The following SLC23A1 variants were observed in gnomAD, a reference collection of about 807,000 sequenced individuals.
The protein encoded by SLC23A1 is Na(+)/L-ascorbic acid transporter 1.
Under a neutral mutation model 62.5 loss-of-function variants are expected in SLC23A1, and 31 were observed. The ratio of observed to expected loss-of-function variants is 0.50; its 90% confidence interval spans 0.37 to 0.67. SLC23A1 has a LOEUF of 0.67. Among genes scored for constraint, SLC23A1 ranks in the 30% least tolerant of loss-of-function variants. The pLI is 0.00. For synonymous variants in SLC23A1, 271 were observed against 313.2 expected, an observed-to-expected ratio of 0.87 and a Z score of 1.42; for missense variants, 640 against 782.7, an observed-to-expected ratio of 0.82 and a Z score of 2.18.
At position 139,382,557 on chromosome 5, in the gene SLC23A1, ACTT is replaced by A; in HGVS notation, c.82_84del (p.Lys28del). 4 of 1,613,326 alleles carry A rather than the reference ACTT, an allele frequency of 2.5e-6. No individual in the cohort carries two copies. The highest frequency in any genetic ancestry group is 3.4e-6 in the Non-Finnish European group (4 of 1,179,654). On this transcript the variant is annotated inframe_deletion, in exon 2 of 15. Coordinates refer to ENST00000348729, the MANE Select transcript of SLC23A1 (RefSeq NM_005847.5). ...TCCTCGATCTTGTACAACATGTCAAACTTAGGCTCTGTGGGTAGCGGGGTCGAG... is the reference window on the plus strand; with the variant it reads ...TCCTCGATCTTGTACAACATGTCAAAAGGCTCTGTGGGTAGCGGGGTCGAG...
rs1758324904 is a variant in SLC23A1 at position 139,382,522 on chromosome 5, A to G, written c.120T>C (p.Pro40=). 9.3e-6 allele frequency: 15 copies of G among 1,613,322 alleles called. No individual in the cohort carries two copies. The highest frequency in any genetic ancestry group is 1.2e-5 in the Non-Finnish European group (14 of 1,179,458). The change falls in exon 2 of 15, where the codon CCT becomes CCC. Residue 40 remains proline (P), a synonymous_variant. Transcript: ENST00000348729. ...AGCCCAGCAGGATGCACAGGTACCA[A>G]GGTGGCACGTCCTCGATCTTGTACA... ...DMLYKIEDVP[P]WYLCILLGFQ...
chr5:139,376,135 C>T (rs190326652), intron 13 of SLC23A1, among the ~76,000 whole-genome samples: 129 of 151,176 alleles, frequency 8.5e-4, no homozygotes, highest in Admixed American at 1.9e-3. Context: ...GTCTGAGACC[C>T]TGTCTCAATT....
chr5:139,377,861 C>A (rs1758019694), intron 12 of SLC23A1, 114 bp downstream of exon 12: 1 of 1,057,524 alleles, frequency 9.5e-7, no homozygotes, highest in East Asian at 2.6e-5. Flanking sequence ...CTGGTTGACA[C>A]CCAGAGTTGG....
At chr5:139,383,534 C>T (rs917719839), upstream of SLC23A1, among the ~76,000 whole-genome samples, 3 of 152,214 alleles carry the variant, frequency 2.0e-5, no homozygotes, top group Non-Finnish European at 4.4e-5. Flanking sequence ...GGGCCAGAGT[C>T]GAGGGGGTGA....
upstream of SLC23A1, among the ~76,000 whole-genome samples, chr5:139,385,349 G>A (rs1431606099): frequency 6.6e-6 from 1 of 152,196 alleles, no homozygotes; most frequent in East Asian, 1.9e-4. Context: ...CCAGCCAGAA[G>A]AATTTCCAGA....
intron 13 of SLC23A1, among the ~76,000 whole-genome samples, chr5:139,375,059 C>T (rs1757881655): frequency 6.6e-6 from 1 of 152,194 alleles, no homozygotes; most frequent in African/African-American, 2.4e-5. Flanking sequence ...TCCTCCCCAG[C>T]CCCAACCCAC....
rs761292153 is a variant in SLC23A1, at chr5:139,378,200, G to A, written c.1309+22C>T. ...CACTCGGCGACCCGCACCGCGACCC[G>A]TGGCCCGCGCCAGACACTCACCAAA... On this transcript the variant is annotated intron_variant, in intron 11 of 14. Coordinates refer to ENST00000348729, the MANE Select transcript of SLC23A1 (RefSeq NM_005847.5). The surrounding 1 kb of genome is among the most constrained non-coding windows in gnomAD (Gnocchi z 4.5). The A allele has an allele frequency of 1.2e-6, 2 of 1,612,752 alleles. No homozygotes were observed. The highest frequency in any genetic ancestry group is 1.7e-6 in the Non-Finnish European group (2 of 1,179,414).
chr5:139,368,071 T>TA (rs1171260549), intron 14 of SLC23A1, among the ~76,000 whole-genome samples: 4 of 151,876 alleles, frequency 2.6e-5, no homozygotes, highest in Non-Finnish European at 5.9e-5. Flanking sequence ...CGCGGTGGCT[T>TA]ACGCCTGTAA....
intron 13 of SLC23A1, among the ~76,000 whole-genome samples, chr5:139,372,628 A>G (rs1274294242): frequency 6.6e-6 from 1 of 152,104 alleles, no homozygotes; most frequent in Non-Finnish European, 1.5e-5. Flanking sequence ...TCTGTTGCCC[A>G]GGCTGGAGTG....
chr5:139,376,393 C>T (rs1209706462), intron 13 of SLC23A1, among the ~76,000 whole-genome samples: 1 of 152,124 alleles, frequency 6.6e-6, no homozygotes, highest in East Asian at 1.9e-4. Flanking sequence ...TTGTCTCAAA[C>T]TCCTGACCTC....
chr5:139,369,238 C>T (rs1757498013), intron 14 of SLC23A1: 1 of 153,598 alleles, frequency 6.5e-6, no homozygotes, highest in Non-Finnish European at 1.5e-5. Flanking sequence ...TTCTGAAGGT[C>T]TGTTAGTTAA....
At chr5:139,384,936 C>T (rs576038408), upstream of SLC23A1, among the ~76,000 whole-genome samples, 5 of 152,300 alleles carry the variant, frequency 3.3e-5, no homozygotes, top group South Asian at 2.1e-4. Flanking sequence ...GGTCCTGGAA[C>T]AGGTGAAGGA....
intron 13 of SLC23A1, 40 bp from the exon 14 acceptor site, chr5:139,372,293 C>T (rs1189822646): frequency 6.3e-7 from 1 of 1,585,410 alleles, no homozygotes; most frequent in Admixed American, 1.7e-5. Flanking sequence ...AGGCCAGCAA[C>T]CCTCAGCCAC....
upstream of SLC23A1, among the ~76,000 whole-genome samples, chr5:139,384,015 A>G (rs780471330): frequency 2.5e-4 from 38 of 152,208 alleles, no homozygotes; most frequent in Non-Finnish European, 4.0e-4. Flanking sequence ...TCCCAGCCAC[A>G]TAATTTCTGG....
Position 139,380,881 on chromosome 5 carries a change from G to T in SLC23A1, c.314C>A (p.Pro105Gln). ...TGCAAAGGCACTGGCCTGGAACAGCGGCAGCCTGGAGGAGAGGCACAAAGC... is the reference window on the plus strand; with the variant it reads ...TGCAAAGGCACTGGCCTGGAACAGCTGCAGCCTGGAGGAGAGGCACAAAGC... Reference protein sequence around the residue: ...LIQTTVGIRLPLFQASAFAFL... With the variant: ...LIQTTVGIRLQLFQASAFAFL... Residue 105 changes from proline (P) to glutamine (Q), a missense_variant, in exon 4 of 15, where the codon CCG (proline) becomes CAG (glutamine). Pro to Gln is a moderately conservative substitution (Grantham distance 76, BLOSUM62 -1). Coordinates refer to ENST00000348729, the MANE Select transcript of SLC23A1 (RefSeq NM_005847.5). 1 of 1,523,110 alleles carries T rather than the reference G, an allele frequency of 6.6e-7. No homozygotes were observed. The highest frequency in any genetic ancestry group is 1.8e-4 in the Middle Eastern group (1 of 5,704). The allele number at this position is 1,523,110 out of a possible 1,614,324, so 94.3% of individuals were successfully genotyped here.
intron 13 of SLC23A1, 116 bp downstream of exon 13, chr5:139,377,286 C>G: frequency 1.5e-6 from 1 of 682,406 alleles, no homozygotes; most frequent in East Asian, 2.6e-5. Flanking sequence ...TCCTGATGCT[C>G]CCTGCAGGGC....
Position 139,372,000 on chromosome 5 carries a change from C to A in SLC23A1, c.*6G>T. On this transcript the variant is annotated 3_prime_UTR_variant, in exon 14 of 15. Coordinates refer to ENST00000348729, the MANE Select transcript of SLC23A1 (RefSeq NM_005847.5). ...GACACATCCTACCTTTCCTGGAAGT[C>A]ATTTTTCAGACCTTGGTGCACACAG... The A allele has an allele frequency of 6.2e-7, 1 of 1,612,356 alleles. No individual in the cohort carries two copies. Among genetic ancestry groups the A allele is most frequent in the South Asian group, 1.1e-5 (1 of 90,960 alleles).
upstream of SLC23A1, chr5:139,384,590 C>A (rs745568228): frequency 1.6e-6 from 2 of 1,272,690 alleles, no homozygotes; most frequent in South Asian, 2.6e-5. Context: ...TTCTCTCCAA[C>A]TTCTCCTCCC....
chr5:139,382,543 G>T lies in SLC23A1; in HGVS notation c.99C>A (p.Tyr33Ter), dbSNP rs750242763. ...ACCAAGGTGGCACGTCCTCGATCTT[G>T]TACAACATGTCAAACTTAGGCTCTG... ...LPTEPKFDML[Y>*]KIEDVPPWYL... The change falls in exon 2 of 15, where the codon TAC (tyrosine) becomes TAA (stop). Residue 33 changes from tyrosine to a stop codon, truncating the protein, a stop_gained. Transcript: ENST00000348729. LOFTEE classifies it high-confidence loss of function. The T allele has an allele frequency of 6.2e-7, 1 of 1,613,570 alleles. No homozygotes were observed. The highest frequency in any genetic ancestry group is 2.2e-5 in the East Asian group (1 of 44,852).
Sources: gnomAD v4.1 joint callset for allele counts (sites outside exome capture counted in the v4.1 genomes callset) on GRCh38, gnomAD v4.1.1 for gene constraint, Gnocchi (gnomAD v3.1) non-coding constraint, MANE v1.5 for transcripts, NCBI Gene and HGNC (gene_info 2026-07-23, HGNC 2026-07-21) for gene names.